Variants in NLRP13 observed in about 807,000 individuals in gnomAD.
The protein encoded by NLRP13 is NLR family pyrin domain containing 13.
A neutral mutation model predicts 94.4 loss-of-function variants in NLRP13; 82 were observed. That is an observed-to-expected ratio of 0.87 (90% CI 0.73 to 1.04). NLRP13 has a LOEUF of 1.04. Among genes scored for constraint, NLRP13 ranks in the 50% least tolerant of loss-of-function variants. NLRP13 has a pLI of 0.00. For missense variants in NLRP13, 1,426 were observed against 1,230.8 expected (o/e 1.16, Z -2.37); for synonymous variants, 553 against 464.7 (o/e 1.19, Z -2.45).
At chr19:55,931,729 A>G (rs935161659) in intron 1 of NLRP13, among the ~76,000 whole-genome samples, 2 of 124,656 alleles carry the variant, frequency 1.6e-5, no homozygotes, top group African/African-American at 3.4e-5. Flanking sequence ...AAAAAAAGAA[A>G]GAAAGAAAGA....
In NLRP13 at chr19:55,913,098, C is replaced by G. The variant is rs746942633; in HGVS notation, c.719G>C (p.Gly240Ala). 6.2e-7 allele frequency: 1 copy of G among 1,614,134 alleles called. No individual in the cohort carries two copies. The highest frequency in any genetic ancestry group is 2.2e-5 in the East Asian group (1 of 44,870). Reference sequence around the variant, plus strand: ...AGCCTGCATTGCCAAGGTGGTCTTCCCAACCCCTGCCCTCCCCACCAAGAC... The same window carrying G: ...AGCCTGCATTGCCAAGGTGGTCTTCGCAACCCCTGCCCTCCCCACCAAGAC... ...TIVLVGRAGV[G>A]KTTLAMQAML... Residue 240 changes from glycine (G) to alanine (A), a missense_variant, in exon 5 of 11, where the codon GGG becomes GCG. Physicochemically the swap from Gly to Ala is moderately conservative, Grantham distance 60. Coordinates refer to ENST00000342929, the MANE Select transcript of NLRP13 (RefSeq NM_176810.2).
At chr19:55,893,525 C>G (rs1315994566), downstream of NLRP13, among the ~76,000 whole-genome samples, 2 of 152,088 alleles carry the variant, frequency 1.3e-5, no homozygotes, top group Non-Finnish European at 2.9e-5. Flanking sequence ...CGACTGGGAC[C>G]TCCCACCACC....
intron 2 of NLRP13, 137 bp from the exon 3 acceptor site, chr19:55,924,795 T>C: frequency 1.2e-6 from 1 of 866,174 alleles, no homozygotes; most frequent in Non-Finnish European, 1.9e-6. Flanking sequence ...GTATGCCCAG[T>C]TTACAGTAAG....
chr19:55,906,673 G>A (rs1196937490), intron 7 of NLRP13, among the ~76,000 whole-genome samples: 1 of 152,092 alleles, frequency 6.6e-6, no homozygotes, highest in Non-Finnish European at 1.5e-5. Context: ...AAATCTGGTA[G>A]GTAAGGCCAC....
At chr19:55,931,898 G>C in intron 1 of NLRP13, 95 bp downstream of exon 1, 2 of 976,392 alleles carry the variant, frequency 2.0e-6, no homozygotes, top group Non-Finnish European at 3.2e-6. Flanking sequence ...GGGGGAGATC[G>C]GCAGTGTGGA....
At chr19:55,892,064 C>T (rs1985865457), downstream of NLRP13, 5 of 1,227,142 alleles carry the variant, frequency 4.1e-6, no homozygotes, top group East Asian at 1.6e-4. Flanking sequence ...TCAGACAGAG[C>T]TCCTTCTGTG....
At chr19:55,925,251 C>G (rs534817627) in intron 1 of NLRP13, among the ~76,000 whole-genome samples, 3 of 152,242 alleles carry the variant, frequency 2.0e-5, no homozygotes, top group Non-Finnish European at 2.9e-5. Flanking sequence ...TGCCTCAGGG[C>G]CTTGGCTCCA....
chr19:55,929,993 A>G lies in NLRP13; in HGVS notation c.319+2000T>C, dbSNP rs186618268. Among the ~76,000 whole-genome samples the G allele has an allele frequency of 3.2e-3, 491 of 152,340 alleles. 1 individual carries two copies. The highest frequency in any genetic ancestry group is 4.7e-3 in the Non-Finnish European group (319 of 68,036). ...CAAACAAGAGTATCTGAGGGCTTTA[A>G]AAATGAGAGAGGGACAGGGAAAAAG... On this transcript the variant is annotated intron_variant, in intron 1 of 10. Coordinates refer to ENST00000342929, the MANE Select transcript of NLRP13 (RefSeq NM_176810.2).
intron 1 of NLRP13, among the ~76,000 whole-genome samples, chr19:55,931,551 A>G (rs1251766320): frequency 6.6e-6 from 1 of 151,284 alleles, no homozygotes; most frequent in Non-Finnish European, 1.5e-5. Context: ...TACTAAAAAT[A>G]CAAAAAAATT....
At chr19:55,920,330 GC>G (rs1420727745) in intron 4 of NLRP13, among the ~76,000 whole-genome samples, 5 of 152,120 alleles carry the variant, frequency 3.3e-5, no homozygotes, top group African/African-American at 9.6e-5. Context: ...AAACTGATAT[GC>G]CTTAATTAAG....
intron 4 of NLRP13, among the ~76,000 whole-genome samples, chr19:55,918,279 T>C (rs891260555): frequency 6.8e-6 from 1 of 146,220 alleles, no homozygotes; most frequent in Non-Finnish European, 1.5e-5. Flanking sequence ...GTTTATAGCA[T>C]TAAATGCTTA....
At chr19:55,913,399 G>A in intron 4 of NLRP13, 106 bp from the exon 5 acceptor site, 1 of 1,272,712 alleles carries the variant, frequency 7.9e-7, no homozygotes, top group Non-Finnish European at 1.1e-6. Context: ...GAGAAACTCT[G>A]CCTTCCAGGA....
At position 55,896,098 on chromosome 19, in the gene NLRP13, T is replaced by G; in HGVS notation, c.2979A>C (p.Thr993=). Residue 993 remains threonine (T), a synonymous_variant, in exon 11 of 11, where the codon ACA becomes ACC. Transcript: ENST00000342929. ...HTLGLAKCNL[T]TACCQHLFSV... ...AGAAGAGATGCTGGCAGCAAGCAGT[T>G]GTCAGATTGCATTTCGCCAACCTAG... is the stretch of plus-strand genomic sequence containing the variant. 1.2e-6 allele frequency: 2 copies of G among 1,614,116 alleles called. No individual in the cohort carries two copies. The highest frequency in any genetic ancestry group is 1.7e-6 in the Non-Finnish European group (2 of 1,179,994).
intron 10 of NLRP13, among the ~76,000 whole-genome samples, chr19:55,897,147 G>GC (rs1352294749): frequency 6.6e-6 from 1 of 152,068 alleles, no homozygotes; most frequent in East Asian, 1.9e-4. Context: ...CTAGCTACTA[G>GC]AAACACAAAG....
In NLRP13 at chr19:55,912,183, G is replaced by C. The variant is rs1201944392; in HGVS notation, c.1634C>G (p.Ala545Gly). The change falls in exon 5 of 11, where the codon GCC becomes GGC. Residue 545 changes from alanine (A) to glycine (G), a missense_variant. Ala to Gly is a moderately conservative substitution (Grantham distance 60). Transcript: ENST00000342929. Reference sequence around the variant, plus strand: ...AGGTTCCTCTAGCACAAAGGACATGGCTGCAAAAAACTCCTGGAAACTTAG... The same window carrying C: ...AGGTTCCTCTAGCACAAAGGACATGCCTGCAAAAAACTCCTGGAAACTTAG... Reference protein sequence around the residue: ...THLSFQEFFAAMSFVLEEPRE... With the variant: ...THLSFQEFFAGMSFVLEEPRE... 1 of 1,614,146 alleles carries C rather than the reference G, an allele frequency of 6.2e-7. No individual in the cohort carries two copies. Among genetic ancestry groups the C allele is most frequent in the Admixed American group, 1.7e-5 (1 of 60,022 alleles).
downstream of NLRP13, among the ~76,000 whole-genome samples, chr19:55,895,367 C>T (rs1985978574): frequency 6.6e-6 from 1 of 151,806 alleles, no homozygotes; most frequent in Admixed American, 6.6e-5. Flanking sequence ...GGTGACAGAG[C>T]AAGACTCCAT....
Position 55,898,847 on chromosome 19 carries a change from T to C in NLRP13, c.2880A>G (p.Gly960=). The change falls in exon 10 of 11, where the codon GGA becomes GGG. Residue 960 remains glycine, a synonymous_variant. Transcript: ENST00000342929. ...HNHNVKILDL[G]ENDLQDDGVK... The stretch of plus-strand genomic sequence containing the variant: ...CTCCATCATCCTGAAGATCATTTTC[T>C]CCCAAATCCAAGATTTTCACATTAT... 2 of 1,614,062 alleles carry C rather than the reference T, an allele frequency of 1.2e-6. No homozygotes were observed. Among genetic ancestry groups the C allele is most frequent in the Non-Finnish European group, 1.7e-6 (2 of 1,179,966 alleles).
chr19:55,931,792 G>C (rs1218458052), intron 1 of NLRP13, among the ~76,000 whole-genome samples: 1 of 150,766 alleles, frequency 6.6e-6, no homozygotes, highest in Admixed American at 6.7e-5. Flanking sequence ...TCCCTTTCTT[G>C]CCTTTGCTAC....
At chr19:55,902,864 C>G (rs949970324) in intron 8 of NLRP13, among the ~76,000 whole-genome samples, 1 of 147,310 alleles carries the variant, frequency 6.8e-6, no homozygotes, top group Non-Finnish European at 1.5e-5. Context: ...ATACATATAT[C>G]ATAATGTAAA....
Sources: allele counts gnomAD v4.1 joint callset (sites outside exome capture counted in the v4.1 genomes callset), GRCh38; gene constraint gnomAD v4.1.1; transcripts MANE v1.5; gene names NCBI Gene and HGNC (gene_info 2026-07-23, HGNC 2026-07-21).